ABHD2: variants seen among roughly 807,000 people sequenced by gnomAD.
The protein encoded by ABHD2 is abhydrolase domain containing 2, acylglycerol lipase, also known as monoacylglycerol lipase ABHD2.
Under a neutral mutation model 48.1 loss-of-function variants are expected in ABHD2, and 20 were observed. The ratio of observed to expected loss-of-function variants is 0.42; its 90% CI spans 0.29 to 0.60. The LOEUF (loss-of-function observed/expected upper bound fraction) is 0.60, where lower values mean the gene tolerates loss of function less well. Ranked by LOEUF, ABHD2 falls within the 20% of genes least tolerant of loss-of-function variation. The pLI is 0.24. For synonymous variants in ABHD2, 209 were observed against 214.2 expected (o/e 0.98, Z 0.21); for missense variants, 405 against 550.9 (o/e 0.74, Z 2.65).
chr15:89,134,886 A>T (rs1409245336), intron 3 of ABHD2, among the ~76,000 whole-genome samples: 1 of 152,190 alleles, frequency 6.6e-6, no homozygotes, highest in Non-Finnish European at 1.5e-5. Flanking sequence ...CTATATAATT[A>T]CTGACAAAAG....
At chr15:89,193,101 C>T (rs2051334191) in intron 9 of ABHD2, 134 bp from the exon 10 acceptor site, 4 of 762,084 alleles carry the variant, frequency 5.2e-6, no homozygotes, top group Non-Finnish European at 8.9e-6. Flanking sequence ...CTTCCTGTAC[C>T]TGTTCAGCAA....
At position 89,185,566 on chromosome 15, in the gene ABHD2, C is replaced by T. The variant is rs768291650; in HGVS notation, c.815+50C>T. The T allele has an allele frequency of 1.4e-5, 22 of 1,536,080 alleles. No individual in the cohort carries two copies. Among genetic ancestry groups the T allele is most frequent in the South Asian group, 9.0e-5 (8 of 89,278 alleles). ...AGGAGACAGACAGTTCCTTCCTGAG[C>T]TCATCTGGGAACCGTGAAAAGCCAG... On this transcript the variant is annotated intron_variant, in intron 7 of 10. Transcript: ENST00000352732. This position sits in a 1 kb window ranked among gnomAD's most constrained non-coding sequence, Gnocchi z 5.9.
chr15:89,190,976 C>A, intron 8 of ABHD2, 104 bp from the exon 9 acceptor site: 1 of 1,115,572 alleles, frequency 9.0e-7, no homozygotes, highest in South Asian at 1.4e-5. Context: ...CTACCAATGC[C>A]ACAAGTTAGC....
intron 1 of ABHD2, among the ~76,000 whole-genome samples, chr15:89,109,681 T>G (rs1471305698): frequency 6.6e-6 from 1 of 152,032 alleles, no homozygotes; most frequent in Admixed American, 6.6e-5. Flanking sequence ...TAGTGACAAG[T>G]CAGACTTGGG....
At chr15:89,076,292 T>C in the ABHD2 span, among the ~76,000 whole-genome samples, 1 of 152,194 alleles carries the variant, frequency 6.6e-6, no homozygotes, top group Non-Finnish European at 1.5e-5. Context: ...GATCAATCCA[T>C]GGCCAATCTT....
At chr15:89,095,063 CAA>C (rs72090062) in intron 1 of ABHD2, among the ~76,000 whole-genome samples, 222 of 53,772 alleles carry the variant, frequency 4.1e-3, no homozygotes, top group African/African-American at 0.012. Context: ...GACTGTGTCT[CAA>C]AAAAAAAAAA....
In ABHD2 at chr15:89,137,986, G is replaced by C. The variant is rs896067031; in HGVS notation, c.195-13691G>C. 6.6e-6 allele frequency among the ~76,000 whole-genome samples: 1 copy of C among 152,220 alleles called. No individual in the cohort carries two copies. The highest frequency in any genetic ancestry group is 2.4e-5 in the African/African-American group (1 of 41,448). On this transcript the variant is annotated intron_variant, in intron 3 of 10. Transcript: ENST00000352732. The surrounding 1 kb of genome is among the most constrained non-coding windows in gnomAD (Gnocchi z 4.8). ...TCCTAGTGGAGAAGGGTGAAGCCCAGTGGGATGGGCTCACGAAGGACCTGC... is the reference window on the plus strand; with the variant it reads ...TCCTAGTGGAGAAGGGTGAAGCCCACTGGGATGGGCTCACGAAGGACCTGC...
the ABHD2 span, among the ~76,000 whole-genome samples, chr15:89,077,324 C>G: frequency 6.6e-6 from 1 of 152,212 alleles, no homozygotes; most frequent in Non-Finnish European, 1.5e-5. Flanking sequence ...TTTGTTCATT[C>G]CCAATGCTGC....
In ABHD2 at chr15:89,091,772, C is replaced by T. The variant is rs1901606501; in HGVS notation, c.-107+3209C>T. Among the ~76,000 whole-genome samples, 1 of 152,132 alleles carries T rather than the reference C, an allele frequency of 6.6e-6. No individual in the cohort carries two copies. Among genetic ancestry groups the T allele is most frequent in the South Asian group, 2.1e-4 (1 of 4,828 alleles). On this transcript the variant is annotated intron_variant, in intron 1 of 10. Transcript: ENST00000352732. This position sits in a 1 kb window ranked among gnomAD's most constrained non-coding sequence, Gnocchi z 5.5. Reference sequence around the variant, plus strand: ...CATGACCTACAGCTTACAGTATTCCCATTTTTATTGCATTGTGAGTTTTGA... The same window carrying T: ...CATGACCTACAGCTTACAGTATTCCTATTTTTATTGCATTGTGAGTTTTGA...
chr15:89,135,842 G>A (rs552785087), intron 3 of ABHD2: 20 of 748,488 alleles, frequency 2.7e-5, no homozygotes, highest in Middle Eastern at 7.6e-4. Context: ...ATATTTGGGC[G>A]ATACTCAGAA....
chr15:89,049,537 T>C, the ABHD2 span, among the ~76,000 whole-genome samples: 11 of 152,332 alleles, frequency 7.2e-5, no homozygotes, highest in Admixed American at 3.3e-4. Context: ...TAGCAATCAG[T>C]GAGACTCCGT....
chr15:89,047,142 A>C, the ABHD2 span, among the ~76,000 whole-genome samples: 1 of 151,630 alleles, frequency 6.6e-6, no homozygotes, highest in Non-Finnish European at 1.5e-5. Flanking sequence ...TTCTGCCTTC[A>C]TTTCGTTATG....
upstream of ABHD2, among the ~76,000 whole-genome samples, chr15:89,085,176 C>T (rs908365609): frequency 2.6e-5 from 4 of 152,082 alleles, 1 homozygote; most frequent in South Asian, 8.3e-4. This position sits in a 1 kb window ranked among gnomAD's most constrained non-coding sequence, Gnocchi z 4.2. Flanking sequence ...TTAATGAAGT[C>T]CTGCAGCTTT....
intron 3 of ABHD2, among the ~76,000 whole-genome samples, chr15:89,122,452 T>C (rs1353461784): frequency 6.6e-6 from 1 of 152,216 alleles, no homozygotes; most frequent in Non-Finnish European, 1.5e-5. Flanking sequence ...GCAGACGCCA[T>C]GTGTGCCTGC....
chr15:89,181,835 G>C (rs909056010), intron 6 of ABHD2, among the ~76,000 whole-genome samples: 26 of 152,222 alleles, frequency 1.7e-4, no homozygotes, highest in African/African-American at 6.0e-4. Flanking sequence ...GGTTGGCTCA[G>C]CTCTTCCTTG....
rs919917470 is a variant in ABHD2, at chr15:89,188,625, A to G, written c.926+322A>G. Among the ~76,000 whole-genome samples the G allele has an allele frequency of 1.3e-5, 2 of 152,232 alleles. No individual in the cohort carries two copies. The highest frequency in any genetic ancestry group is 4.8e-5 in the African/African-American group (2 of 41,464). On this transcript the variant is annotated intron_variant, in intron 8 of 10. Transcript: ENST00000352732. This position sits in a 1 kb window ranked among gnomAD's most constrained non-coding sequence, Gnocchi z 4.1. ...ACCCTACCTGTCCTGCCTCAACACC[A>G]GGGCAAGTGTCAGGTGCCACATAAA... is the stretch of plus-strand genomic sequence containing the variant.
At chr15:89,057,761 A>G in the ABHD2 span, among the ~76,000 whole-genome samples, 2 of 151,950 alleles carry the variant, frequency 1.3e-5, no homozygotes, top group Admixed American at 1.3e-4. Flanking sequence ...CGCTATTAAT[A>G]AGAAGGAATG....
chr15:89,127,706 C>CATATATATATATATATATATAT (rs71464446), intron 3 of ABHD2, among the ~76,000 whole-genome samples: 20 of 129,888 alleles, frequency 1.5e-4, no homozygotes, highest in African/African-American at 5.7e-4. Context: ...TATATATATA[C>CATATATATATATATATATATAT]ATATATATAT....
chr15:89,073,322 G>A, the ABHD2 span, among the ~76,000 whole-genome samples: 1 of 152,180 alleles, frequency 6.6e-6, no homozygotes, highest in Non-Finnish European at 1.5e-5. Context: ...TTTTGAGACA[G>A]TCTTGCTCTG....
Sources: gnomAD v4.1 joint callset for allele counts (sites outside exome capture counted in the v4.1 genomes callset) on GRCh38, gnomAD v4.1.1 for gene constraint, Gnocchi (gnomAD v3.1) non-coding constraint, MANE v1.5 for transcripts, NCBI Gene and HGNC (gene_info 2026-07-23, HGNC 2026-07-21) for gene names.